The following ERBB4 variants were observed in gnomAD, a reference collection of about 807,000 sequenced individuals.
ERBB4 encodes the protein receptor tyrosine-protein kinase erbB-4.
ERBB4 carries 42 observed loss-of-function variants against 158.0 expected under a neutral mutation model. That is an observed-to-expected ratio of 0.27 (90% CI 0.21 to 0.34). The LOEUF (loss-of-function observed/expected upper bound fraction) is 0.34, where lower values mean the gene tolerates loss of function less well. Ranked by LOEUF, ERBB4 falls within the 10% of genes least tolerant of loss-of-function variation. The pLI is 1.00. For synonymous variants in ERBB4, 583 were observed against 558.7 expected (o/e 1.04, Z -0.61); for missense variants, 1,333 against 1,624.1 (o/e 0.82, Z 3.08).
At chr2:212,370,097 C>T (rs1233436503) in intron 1 of ERBB4, among the ~76,000 whole-genome samples, 2 of 152,096 alleles carry the variant, frequency 1.3e-5, no homozygotes, top group Non-Finnish European at 2.9e-5. Context: ...ATAATCCCCC[C>T]ACCTGTCAAG....
chr2:211,477,146 A>T (rs1213215853), intron 20 of ERBB4, among the ~76,000 whole-genome samples: 1 of 152,038 alleles, frequency 6.6e-6, no homozygotes, highest in African/African-American at 2.4e-5. Flanking sequence ...AATAGAACAA[A>T]AATAGACCAC....
intron 3 of ERBB4, among the ~76,000 whole-genome samples, chr2:211,887,420 C>A (rs2078833751): frequency 6.6e-6 from 1 of 152,112 alleles, no homozygotes; most frequent in South Asian, 2.1e-4. Context: ...CCATGGTGTT[C>A]AGTGCCTAAT....
intron 2 of ERBB4, among the ~76,000 whole-genome samples, chr2:211,966,233 T>C (rs772886105): frequency 1.3e-5 from 2 of 151,986 alleles, no homozygotes; most frequent in Non-Finnish European, 2.9e-5. Context: ...AAAAAGAATT[T>C]CAATATTATT....
In ERBB4 at chr2:211,977,480, T is replaced by TC. The variant is rs535934861; in HGVS notation, c.235-29865dup. Among the ~76,000 whole-genome samples, 7 of 143,574 alleles carry TC rather than the reference T, an allele frequency of 4.9e-5. No homozygotes were observed. The South Asian group carries it at 1.6e-3, about 32-fold the overall frequency. 94.2% of individuals were successfully genotyped at this position (143,574 alleles called of 152,430 possible). A position where few individuals can be genotyped will look rare whatever the true frequency, so the allele number is the denominator to read the frequency against. On this transcript the variant is annotated intron_variant, in intron 2 of 27. Transcript: ENST00000342788. ...CCGTAACTTCTCAGAGTGCCTTTTT[T>TC]CCCTCTTGGCACTTTCTCTTTTAGG...
chr2:211,505,184 T>G (rs2125599585), intron 20 of ERBB4, among the ~76,000 whole-genome samples: 1 of 151,982 alleles, frequency 6.6e-6, no homozygotes, highest in South Asian at 2.1e-4. Context: ...AAGAAAAAAT[T>G]TTAAAGGCAG....
intron 2 of ERBB4, among the ~76,000 whole-genome samples, chr2:211,982,808 T>C (rs1575471202): frequency 6.6e-6 from 1 of 152,216 alleles, no homozygotes; most frequent in African/African-American, 2.4e-5. Flanking sequence ...ATTTTTTCAG[T>C]AATAATATTA....
At chr2:211,997,978 A>G (rs1049300222) in intron 2 of ERBB4, among the ~76,000 whole-genome samples, 8 of 151,668 alleles carry the variant, frequency 5.3e-5, no homozygotes, top group African/African-American at 1.7e-4. Flanking sequence ...GCTGAAAAGT[A>G]CTGAGAAATT....
intron 1 of ERBB4, among the ~76,000 whole-genome samples, chr2:212,178,478 T>C (rs1019020236): frequency 1.3e-4 from 20 of 151,852 alleles, no homozygotes; most frequent in African/African-American, 4.8e-4. Flanking sequence ...TCTGGGGGCA[T>C]TAGAGTGAGA....
chr2:211,473,018 A>G (rs2064868012), intron 20 of ERBB4, among the ~76,000 whole-genome samples: 1 of 151,912 alleles, frequency 6.6e-6, no homozygotes, highest in Non-Finnish European at 1.5e-5. Context: ...AATTCCTGGA[A>G]CCCATAAATG....
intron 1 of ERBB4, among the ~76,000 whole-genome samples, chr2:212,256,235 T>C (rs551949854): frequency 1.2e-4 from 19 of 152,296 alleles, no homozygotes; most frequent in Admixed American, 6.5e-5. Flanking sequence ...TTTAATAACA[T>C]AGTAAATGAA....
chr2:211,382,830 G>A lies in ERBB4; in HGVS notation c.*785C>T, dbSNP rs1399300243. 4.3e-6 allele frequency: 1 copy of A among 232,478 alleles called. No homozygotes were observed. Among genetic ancestry groups the A allele is most frequent in the Admixed American group, 5.6e-5 (1 of 17,748 alleles). 14.4% of individuals were successfully genotyped at this position (232,478 alleles called of 1,614,324 possible). A position where few individuals can be genotyped will look rare whatever the true frequency, so the allele number is the denominator to read the frequency against. The stretch of plus-strand genomic sequence containing the variant: ...TTAAAGATTGTATACTTAAAGTAGT[G>A]GCCATTTCACTATATTAAAATATTT... On this transcript the variant is annotated 3_prime_UTR_variant, in exon 28 of 28. Transcript: ENST00000342788.
At chr2:212,421,114 A>C (rs2091782034) in intron 1 of ERBB4, among the ~76,000 whole-genome samples, 1 of 152,138 alleles carries the variant, frequency 6.6e-6, no homozygotes, top group Non-Finnish European at 1.5e-5. Context: ...ATAATTCATC[A>C]ACCACATATC....
At chr2:211,458,115 T>TGATATATCCATAG (rs1553538638) in intron 20 of ERBB4, among the ~76,000 whole-genome samples, 1 of 151,954 alleles carries the variant, frequency 6.6e-6, no homozygotes, top group African/African-American at 2.4e-5. Flanking sequence ...TATCACTCTA[T>TGATATATCCATAG]ATATCTTTCA....
At chr2:211,744,579 A>C (rs1416777121) in intron 5 of ERBB4, among the ~76,000 whole-genome samples, 1 of 151,746 alleles carries the variant, frequency 6.6e-6, no homozygotes, top group Non-Finnish European at 1.5e-5. Context: ...TCTGATCACC[A>C]CTCTTTGCTT....
chr2:211,983,112 GA>G (rs2081849714), intron 2 of ERBB4, among the ~76,000 whole-genome samples: 1 of 152,232 alleles, frequency 6.6e-6, no homozygotes, highest in African/African-American at 2.4e-5. Context: ...AACAAGGAAT[GA>G]AATGGTTGGT....
At chr2:211,982,913 A>G (rs2081843590) in intron 2 of ERBB4, among the ~76,000 whole-genome samples, 2 of 152,218 alleles carry the variant, frequency 1.3e-5, no homozygotes, top group African/African-American at 4.8e-5. Flanking sequence ...CTTATTGTCT[A>G]TGTATGTCTA....
Position 211,387,998 on chromosome 2 carries a change from A to G in ERBB4, c.3136-6T>C. On this transcript the variant is annotated splice_region_variant and splice_polypyrimidine_tract_variant and intron_variant, in intron 25 of 27. Coordinates refer to ENST00000342788, the MANE Select transcript of ERBB4 (RefSeq NM_005235.3). ...GGGCTGTGTCCAATTTCACTCTAAT[A>G]GGAAAGAAAAATGGAATGATGGATA... 1 of 1,591,174 alleles carries G rather than the reference A, an allele frequency of 6.3e-7. No individual in the cohort carries two copies. The highest frequency in any genetic ancestry group is 1.3e-5 in the African/African-American group (1 of 74,518).
intron 3 of ERBB4, among the ~76,000 whole-genome samples, chr2:211,936,370 T>C (rs1387780955): frequency 1.3e-5 from 2 of 151,700 alleles, no homozygotes; most frequent in Admixed American, 6.6e-5. Context: ...ACAGAGAAAA[T>C]GAAACTGAGT....
chr2:211,562,186 G>A, intron 19 of ERBB4, 98 bp from the exon 20 acceptor site: 3 of 980,456 alleles, frequency 3.1e-6, no homozygotes, highest in South Asian at 2.7e-5. Context: ...TTTTAAAAAT[G>A]TACTCTTACT....
Sources: allele counts gnomAD v4.1 joint callset (sites outside exome capture counted in the v4.1 genomes callset), GRCh38; gene constraint gnomAD v4.1.1; transcripts MANE v1.5; gene names NCBI Gene and HGNC (gene_info 2026-07-23, HGNC 2026-07-21).